Variants in GPR83 observed in about 807,000 individuals in gnomAD.
The protein encoded by GPR83 is G protein-coupled receptor 83, also known as G-protein coupled receptor 72.
In GPR83, 23 loss-of-function variants were observed where a neutral mutation model predicts 28.0. The ratio of observed to expected loss-of-function variants is 0.82; its 90% CI spans 0.59 to 1.16. GPR83 has a LOEUF of 1.16. GPR83 is among the 50% of genes most tolerant of loss of function. The pLI, the probability that GPR83 is intolerant of heterozygous loss-of-function variation, is 0.00. For synonymous variants in GPR83, 234 were observed against 215.4 expected (o/e 1.09, Z -0.76); for missense variants, 610 against 536.6 (o/e 1.14, Z -1.35).
intron 2 of GPR83, 128 bp downstream of exon 2, chr11:94,396,271 T>C: frequency 1.2e-6 from 1 of 851,776 alleles, no homozygotes. Context: ...TGTGTTCATG[T>C]TGATCAATAA....
At chr11:94,389,269 G>C (rs1472765966) in intron 3 of GPR83, among the ~76,000 whole-genome samples, 3 of 152,170 alleles carry the variant, frequency 2.0e-5, no homozygotes. Context: ...CATGGGCAAG[G>C]ACTTCATGTC....
intron 3 of GPR83, among the ~76,000 whole-genome samples, chr11:94,384,705 C>T (rs1016874088): frequency 6.6e-6 from 1 of 152,186 alleles, no homozygotes; most frequent in Non-Finnish European, 1.5e-5. Context: ...GGCCAGGAAG[C>T]TTGAATTGGG....
chr11:94,385,068 G>C (rs1944737325), intron 3 of GPR83, among the ~76,000 whole-genome samples: 1 of 152,332 alleles, frequency 6.6e-6, no homozygotes, highest in East Asian at 1.9e-4. Context: ...AGCCTCTGCT[G>C]CTGATACCCA....
At chr11:94,397,638 A>C (rs907036362) in intron 1 of GPR83, among the ~76,000 whole-genome samples, 3 of 152,260 alleles carry the variant, frequency 2.0e-5, no homozygotes, top group African/African-American at 7.2e-5. Flanking sequence ...TGGTTGTTAC[A>C]TCAATCAAGA....
intron 1 of GPR83, among the ~76,000 whole-genome samples, chr11:94,399,856 TGA>T (rs1944895114): frequency 6.6e-6 from 1 of 152,196 alleles, no homozygotes; most frequent in Non-Finnish European, 1.5e-5. Context: ...AAATCATCCA[TGA>T]GAGCCACACT....
chr11:94,380,327 C>T lies in GPR83; in HGVS notation c.1094G>A (p.Arg365Lys). 6.2e-7 allele frequency: 1 copy of T among 1,612,898 alleles called. No individual in the cohort carries two copies. Among genetic ancestry groups the T allele is most frequent in the South Asian group, 1.1e-5 (1 of 90,890 alleles). Residue 365 changes from arginine (R) to lysine (K), a missense_variant, in exon 4 of 4, where the codon AGA becomes AAA. Arg to Lys is a conservative substitution (Grantham distance 26). Coordinates refer to ENST00000243673, the MANE Select transcript of GPR83 (RefSeq NM_016540.4). Reference sequence around the variant, plus strand: ...CCTGTCCTCCTGAGGCTTGGGAGGTCTTTGACACATGCTCAGTAATGCCTT... The same window carrying T: ...CCTGTCCTCCTGAGGCTTGGGAGGTTTTTGACACATGCTCAGTAATGCCTT... ...ELKALLSMCQ[R>K]PPKPQEDRPP...
chr11:94,389,254 A>T (rs990888707), intron 3 of GPR83, among the ~76,000 whole-genome samples: 6 of 152,228 alleles, frequency 3.9e-5, no homozygotes, highest in Non-Finnish European at 8.8e-5. Flanking sequence ...CATTCAGGAC[A>T]CAGGCATGGG....
At chr11:94,386,375 A>C (rs1320914549) in intron 3 of GPR83, among the ~76,000 whole-genome samples, 2 of 152,226 alleles carry the variant, frequency 1.3e-5, no homozygotes, top group Admixed American at 1.3e-4. Flanking sequence ...AAATGGGCTA[A>C]ATGCTCCAAT....
At chr11:94,392,037 G>A (rs7114605) in intron 3 of GPR83, among the ~76,000 whole-genome samples, 16,129 of 151,940 alleles carry the variant, frequency 0.11, 949 homozygotes, top group Middle Eastern at 0.16. Context: ...TGTTTATTGC[G>A]GCACTATTCA....
chr11:94,400,953 T>A lies in GPR83; in HGVS notation c.295A>T (p.Asn99Tyr). The change falls in exon 1 of 4, where the codon AAC becomes TAC. Residue 99 changes from asparagine to tyrosine, a missense_variant. By Grantham distance (143) the Asn-to-Tyr change is moderately radical. Coordinates refer to ENST00000243673, the MANE Select transcript of GPR83 (RefSeq NM_016540.4). ...NVLVCHVIFK[N>Y]QRMHSATSLF... Reference sequence around the variant, plus strand: ...CTGGTGGCCGAGTGCATTCGCTGGTTCTTGAAGATGACATGACAGACCAGG... The same window carrying A: ...CTGGTGGCCGAGTGCATTCGCTGGTACTTGAAGATGACATGACAGACCAGG... The A allele has an allele frequency of 6.2e-7, 1 of 1,614,064 alleles. No individual in the cohort carries two copies. The highest frequency in any genetic ancestry group is 8.5e-7 in the Non-Finnish European group (1 of 1,179,962).
intron 2 of GPR83, 148 bp from the exon 3 acceptor site, chr11:94,393,766 G>T (rs1398119359): frequency 1.5e-6 from 1 of 654,668 alleles, no homozygotes; most frequent in East Asian, 2.6e-5. Context: ...TTCTAGACCA[G>T]ACTGGGCAAC....
intron 3 of GPR83, among the ~76,000 whole-genome samples, chr11:94,381,046 A>C (rs893043312): frequency 1.3e-5 from 2 of 152,172 alleles, no homozygotes; most frequent in African/African-American, 2.4e-5. Flanking sequence ...GACCCAATAC[A>C]TATTTGTTGA....
chr11:94,385,997 C>T (rs1383744084), intron 3 of GPR83, among the ~76,000 whole-genome samples: 1 of 152,220 alleles, frequency 6.6e-6, no homozygotes, highest in Non-Finnish European at 1.5e-5. Context: ...AACAGTGGAT[C>T]TCTTGGCAGA....
In GPR83 at chr11:94,401,208, C is replaced by G. The variant is rs1360806576; in HGVS notation, c.40G>C (p.Val14Leu). ...CCCTCGTGGGGCTCGGTGGCTCGCA[C>G]CAAGGGGAGGAGACAGAGCAGCAAG... ...HLLLLCLLPLVRATEPHEGRA... is the reference protein window; with the variant it reads ...HLLLLCLLPLLRATEPHEGRA... The change falls in exon 1 of 4, where the codon GTG becomes CTG. Residue 14 changes from valine to leucine, a missense_variant. Val to Leu is a conservative substitution (Grantham distance 32). Transcript: ENST00000243673. The G allele has an allele frequency of 1.2e-6, 2 of 1,612,704 alleles. No homozygotes were observed. Among genetic ancestry groups the G allele is most frequent in the South Asian group, 1.1e-5 (1 of 91,002 alleles).
In GPR83 at chr11:94,378,331, C is replaced by G. The variant is rs1339849712; in HGVS notation, c.*1818G>C. On this transcript the variant is annotated 3_prime_UTR_variant, in exon 4 of 4. Transcript: ENST00000243673. ...GTGACAAACTCTTTCTCCCTCAAAC[C>G]TTAGTTTCCTACTGAGCTCATATCC... 6.6e-6 allele frequency: 1 copy of G among 152,188 alleles called. No individual in the cohort carries two copies. The highest frequency in any genetic ancestry group is 1.5e-5 in the Non-Finnish European group (1 of 68,040). The allele number at this position is 152,188 out of a possible 1,614,324, so 9.4% of individuals were successfully genotyped here. A position where few individuals can be genotyped will look rare whatever the true frequency, so the allele number is the denominator to read the frequency against.
In GPR83 at chr11:94,377,893, C is replaced by T. The variant is rs1344163745; in HGVS notation, c.*2256G>A. On this transcript the variant is annotated 3_prime_UTR_variant, in exon 4 of 4. Coordinates refer to ENST00000243673, the MANE Select transcript of GPR83 (RefSeq NM_016540.4). ...ATGTAAGTCAAGGAGCTTCTGTATT[C>T]CTAGACACCCTCAGAGAGGAGTGAA... 6.6e-6 allele frequency: 1 copy of T among 152,172 alleles called. No homozygotes were observed. Among genetic ancestry groups the T allele is most frequent in the African/African-American group, 2.4e-5 (1 of 41,436 alleles). 9.4% of individuals were successfully genotyped at this position (152,172 alleles called of 1,614,324 possible).
intron 3 of GPR83, among the ~76,000 whole-genome samples, chr11:94,386,788 G>C (rs1004482864): frequency 6.6e-6 from 1 of 152,082 alleles, no homozygotes; most frequent in South Asian, 2.1e-4. Flanking sequence ...AGTTAACAAG[G>C]ACATCCAGTA....
chr11:94,394,812 G>A (rs1944850856), intron 2 of GPR83, among the ~76,000 whole-genome samples: 1 of 152,148 alleles, frequency 6.6e-6, no homozygotes, highest in African/African-American at 2.4e-5. Flanking sequence ...GGACTCTGCT[G>A]GCCTTGGGAC....
At chr11:94,385,330 G>A (rs1944741788) in intron 3 of GPR83, among the ~76,000 whole-genome samples, 1 of 152,140 alleles carries the variant, frequency 6.6e-6, no homozygotes, top group African/African-American at 2.4e-5. Context: ...CACCAGCAAT[G>A]GAAAAAAGCT....
Sources: gnomAD v4.1 joint callset for allele counts (sites outside exome capture counted in the v4.1 genomes callset) on GRCh38, gnomAD v4.1.1 for gene constraint, MANE v1.5 for transcripts, NCBI Gene and HGNC (gene_info 2026-07-23, HGNC 2026-07-21) for gene names.